Variants in TRAF3 observed in about 807,000 individuals in gnomAD.
TRAF3 encodes TNF receptor associated factor 3.
In TRAF3, 13 loss-of-function variants were observed where a neutral mutation model predicts 62.3. The observed-to-expected ratio is 0.21, with a 90% CI of 0.14 to 0.33. The LOEUF (loss-of-function observed/expected upper bound fraction) is 0.33. Among genes scored for constraint, TRAF3 ranks in the 10% least tolerant of loss-of-function variants. The pLI, the probability that TRAF3 is intolerant of heterozygous loss-of-function variation, is 1.00. For missense variants in TRAF3, 440 were observed against 741.8 expected, an observed-to-expected ratio of 0.59 and a Z score of 4.73; for synonymous variants, 269 against 283.4, an observed-to-expected ratio of 0.95 and a Z score of 0.51.
chr14:102,875,510 C>CT, intron 4 of TRAF3, 114 bp from the exon 5 acceptor site: 11 of 852,902 alleles, frequency 1.3e-5, no homozygotes, highest in Non-Finnish European at 2.0e-5. Context: ...CTGAAGTTCA[C>CT]TTAAGAGTTC....
chr14:102,856,572 T>C (rs1056724191), intron 2 of TRAF3, among the ~76,000 whole-genome samples: 3 of 152,204 alleles, frequency 2.0e-5, no homozygotes, highest in Admixed American at 6.5e-5. Flanking sequence ...TTAAGGTCTT[T>C]ATTACCTGTA....
intron 2 of TRAF3, among the ~76,000 whole-genome samples, chr14:102,854,841 T>G (rs1325329571): frequency 2.0e-5 from 3 of 151,546 alleles, no homozygotes; most frequent in African/African-American, 7.3e-5. Context: ...TAAAATAAAT[T>G]GTGGTGAGAT....
intron 1 of TRAF3, among the ~76,000 whole-genome samples, chr14:102,797,102 C>T (rs1244980323): frequency 6.6e-6 from 1 of 152,208 alleles, no homozygotes; most frequent in Non-Finnish European, 1.5e-5. Context: ...CAGCATCATT[C>T]ACACAGTTGA....
At position 102,881,394 on chromosome 14, in the gene TRAF3, AC is replaced by A. The variant is rs1220970157; in HGVS notation, c.571-4794del. Among the ~76,000 whole-genome samples, 869 of 113,578 alleles carry A rather than the reference AC, an allele frequency of 7.7e-3. 9 individuals carry two copies. The highest frequency in any genetic ancestry group is 0.054 in the African/African-American group (803 of 14,956). 74.5% of individuals were successfully genotyped at this position (113,578 alleles called of 152,430 possible). The stretch of plus-strand genomic sequence containing the variant: ...GCAAGACTCCGTCTCAACAACAAAA[AC>A]AAAAAAAAAAAAAAAGAAAAAAAGG... On this transcript the variant is annotated intron_variant, in intron 6 of 11. Coordinates refer to ENST00000392745, the MANE Select transcript of TRAF3 (RefSeq NM_145725.3).
chr14:102,866,335 A>G (rs1403402237), intron 2 of TRAF3, among the ~76,000 whole-genome samples: 1 of 152,218 alleles, frequency 6.6e-6, no homozygotes, highest in Non-Finnish European at 1.5e-5. Flanking sequence ...TGATGGGTGC[A>G]GCAAACCACA....
At position 102,905,831 on chromosome 14, in the gene TRAF3, G is replaced by T. The variant is rs747453616; in HGVS notation, c.*47G>T. 1.6e-5 allele frequency: 24 copies of T among 1,538,628 alleles called. No individual in the cohort carries two copies. In the Admixed American group the frequency reaches 2.9e-4, roughly 19 times the overall value. ...TTAGCAGAAGGCAACTCCTCTGGGG[G>T]ATTTGAACCGGTCTGTCTTCACTGA... On this transcript the variant is annotated 3_prime_UTR_variant, in exon 12 of 12. Coordinates refer to ENST00000392745, the MANE Select transcript of TRAF3 (RefSeq NM_145725.3).
intron 1 of TRAF3, among the ~76,000 whole-genome samples, chr14:102,800,695 C>CTTTTTTTTTTTT (rs369818329): frequency 2.3e-5 from 3 of 133,182 alleles, no homozygotes; most frequent in Non-Finnish European, 3.2e-5. Flanking sequence ...TGTTCTTTTC[C>CTTTTTTTTTTTT]TTTTTTTTTT....
intron 1 of TRAF3, among the ~76,000 whole-genome samples, chr14:102,786,979 G>A (rs185780949): frequency 8.7e-4 from 132 of 152,274 alleles, no homozygotes; most frequent in African/African-American, 3.1e-3. Context: ...TTTAGCCTGG[G>A]TGACTCAGTG....
At chr14:102,880,702 T>A (rs1057250998) in intron 6 of TRAF3, among the ~76,000 whole-genome samples, 3 of 152,208 alleles carry the variant, frequency 2.0e-5, no homozygotes, top group Non-Finnish European at 4.4e-5. Context: ...AGACATGGAA[T>A]CAACCTAAAT....
chr14:102,785,551 C>A (rs1388432376), intron 1 of TRAF3, among the ~76,000 whole-genome samples: 2 of 152,194 alleles, frequency 1.3e-5, no homozygotes, highest in Non-Finnish European at 2.9e-5. Context: ...GGTCACTCTG[C>A]AGAGAGCATA....
intron 1 of TRAF3, among the ~76,000 whole-genome samples, chr14:102,808,215 AAAG>A (rs1249351918): frequency 6.6e-6 from 1 of 152,122 alleles, no homozygotes; most frequent in Non-Finnish European, 1.5e-5. Context: ...GATGGATGTG[AAAG>A]AAGAACACAC....
Position 102,842,396 on chromosome 14 carries a change from A to C in TRAF3, c.-18+11924A>C, listed in dbSNP as rs889471088. On this transcript the variant is annotated intron_variant, in intron 2 of 11. Coordinates refer to ENST00000392745, the MANE Select transcript of TRAF3 (RefSeq NM_145725.3). ...ACAACAGGTTATTACGACAGAAGAA[A>C]AGAGTTCATGAGCCTGAAGACGTAG... 2.6e-4 allele frequency among the ~76,000 whole-genome samples: 40 copies of C among 151,606 alleles called. 1 individual carries two copies. Among genetic ancestry groups the C allele is most frequent in the Admixed American group, 2.0e-3 (30 of 15,212 alleles).
At position 102,827,975 on chromosome 14, in the gene TRAF3, A is replaced by G. The variant is rs1378231487; in HGVS notation, c.-156-2359A>G. Among the ~76,000 whole-genome samples the G allele has an allele frequency of 2.6e-5, 4 of 152,234 alleles. No homozygotes were observed. In the East Asian group the frequency reaches 7.7e-4, roughly 29 times the overall value. ...AGGGGCTTTGAGTCTGGTGCTAAGC[A>G]GCAGATGTGCAGATTCCCGCAGGGC... On this transcript the variant is annotated intron_variant, in intron 1 of 11. Coordinates refer to ENST00000392745, the MANE Select transcript of TRAF3 (RefSeq NM_145725.3).
intron 2 of TRAF3, among the ~76,000 whole-genome samples, chr14:102,861,609 C>T (rs1448273332): frequency 6.6e-6 from 1 of 152,150 alleles, no homozygotes; most frequent in Non-Finnish European, 1.5e-5. Flanking sequence ...AGTATCATCC[C>T]TTTGGGGCTT....
At chr14:102,797,186 A>C (rs927950352) in intron 1 of TRAF3, among the ~76,000 whole-genome samples, 1 of 152,216 alleles carries the variant, frequency 6.6e-6, no homozygotes, top group East Asian at 1.9e-4. Flanking sequence ...GTTAAGATGA[A>C]TCAATATAGT....
intron 1 of TRAF3, among the ~76,000 whole-genome samples, chr14:102,784,091 C>T (rs1897375709): frequency 6.6e-6 from 1 of 152,060 alleles, no homozygotes; most frequent in Non-Finnish European, 1.5e-5. Context: ...AGCTGAGGCT[C>T]TCAGTGTTTA....
rs1890434226 is a variant in TRAF3, at chr14:102,903,783, GC to G, written c.1135+358del. 6.2e-6 allele frequency: 3 copies of G among 486,042 alleles called. No individual in the cohort carries two copies. The highest frequency in any genetic ancestry group is 1.2e-5 in the Non-Finnish European group (3 of 247,174). 30.1% of individuals were successfully genotyped at this position (486,042 alleles called of 1,614,324 possible). A position where few individuals can be genotyped will look rare whatever the true frequency, so the allele number is the denominator to read the frequency against. The stretch of plus-strand genomic sequence containing the variant: ...GAGGCCAGGACCTGCTGGTCGGGGC[GC>G]CCCAGACCCCACTCCTAAGGGCCAG... On this transcript the variant is annotated intron_variant, in intron 11 of 11. Coordinates refer to ENST00000392745, the MANE Select transcript of TRAF3 (RefSeq NM_145725.3). The surrounding 1 kb of genome is among the most constrained non-coding windows in gnomAD (Gnocchi z 6.4).
chr14:102,852,011 C>T (rs1367198332), intron 2 of TRAF3, among the ~76,000 whole-genome samples: 3 of 151,812 alleles, frequency 2.0e-5, no homozygotes, highest in African/African-American at 7.3e-5. Flanking sequence ...GCCATGTTTG[C>T]ACCACTGCAC....
At chr14:102,869,005 G>C (rs28380761) in intron 2 of TRAF3, among the ~76,000 whole-genome samples, 8 of 152,176 alleles carry the variant, frequency 5.3e-5, no homozygotes, top group Admixed American at 3.3e-4. Flanking sequence ...AAGAGAGTCC[G>C]CGCAGACAGA....
Sources: gnomAD v4.1 joint callset for allele counts (sites outside exome capture counted in the v4.1 genomes callset) on GRCh38, gnomAD v4.1.1 for gene constraint, Gnocchi (gnomAD v3.1) non-coding constraint, MANE v1.5 for transcripts, NCBI Gene and HGNC (gene_info 2026-07-23, HGNC 2026-07-21) for gene names.